Variants in CALCR observed in about 807,000 individuals in gnomAD.
CALCR encodes the protein calcitonin receptor.
In CALCR, 47 loss-of-function variants were observed where a neutral mutation model predicts 59.5. That is an observed-to-expected ratio of 0.79 (90% CI 0.63 to 1.01). The LOEUF (loss-of-function observed/expected upper bound fraction) is 1.01, where lower values mean the gene tolerates loss of function less well. CALCR is among the 50% of genes least tolerant of loss of function. The pLI, the probability that CALCR is intolerant of heterozygous loss-of-function variation, is 0.00. For missense variants in CALCR, 566 were observed against 597.1 expected (o/e 0.95, Z 0.54); for synonymous variants, 213 against 211.3 (o/e 1.01, Z -0.07).
At chr7:93,528,077 A>G (rs1383293314) in intron 2 of CALCR, among the ~76,000 whole-genome samples, 6 of 152,188 alleles carry the variant, frequency 3.9e-5, no homozygotes, top group African/African-American at 1.4e-4. Context: ...AAAACTGCTC[A>G]GAAAATGTTC....
At chr7:93,438,013 A>G in intron 11 of CALCR, 47 bp downstream of exon 11, 2 of 1,360,078 alleles carry the variant, frequency 1.5e-6, no homozygotes, top group Non-Finnish European at 1.0e-6. Flanking sequence ...AGAAATCTCA[A>G]CTAAGAGATA....
At chr7:93,478,892 C>T (rs970909155) in intron 4 of CALCR, among the ~76,000 whole-genome samples, 1 of 151,658 alleles carries the variant, frequency 6.6e-6, no homozygotes, top group African/African-American at 2.4e-5. Context: ...TTGTAATTCT[C>T]CTGGAAAGTG....
At chr7:93,448,155 G>A (rs1376489296) in intron 8 of CALCR, among the ~76,000 whole-genome samples, 1 of 151,954 alleles carries the variant, frequency 6.6e-6, no homozygotes, top group Non-Finnish European at 1.5e-5. Context: ...TAATTCTCAT[G>A]ATACATTTCG....
chr7:93,551,563 C>T (rs753371562), intron 2 of CALCR, among the ~76,000 whole-genome samples: 12 of 152,034 alleles, frequency 7.9e-5, no homozygotes, highest in African/African-American at 1.9e-4. Flanking sequence ...TTTGTAGGCA[C>T]CAGGTCAAAA....
At chr7:93,527,338 G>A (rs894180997) in intron 2 of CALCR, among the ~76,000 whole-genome samples, 1 of 151,528 alleles carries the variant, frequency 6.6e-6, no homozygotes, top group Non-Finnish European at 1.5e-5. Flanking sequence ...CATATTATAT[G>A]TTATTCACTG....
chr7:93,438,944 A>G (rs1289376373), intron 9 of CALCR, among the ~76,000 whole-genome samples: 1 of 152,074 alleles, frequency 6.6e-6, no homozygotes, highest in Middle Eastern at 3.2e-3. Context: ...AAAAATGGAC[A>G]CAGTTATTGC....
At chr7:93,529,328 C>T (rs1381805706) in intron 2 of CALCR, among the ~76,000 whole-genome samples, 2 of 152,138 alleles carry the variant, frequency 1.3e-5, no homozygotes, top group Non-Finnish European at 1.5e-5. Context: ...AAGATACCTG[C>T]ACCCCCTTTG....
intron 6 of CALCR, among the ~76,000 whole-genome samples, chr7:93,470,503 A>G (rs1279198039): frequency 6.6e-6 from 1 of 151,780 alleles, no homozygotes; most frequent in Non-Finnish European, 1.5e-5. Context: ...AAAAATTTAT[A>G]TAACTTAATT....
At chr7:93,460,168 G>A (rs1800286001) in intron 8 of CALCR, among the ~76,000 whole-genome samples, 1 of 152,110 alleles carries the variant, frequency 6.6e-6, no homozygotes, top group African/African-American at 2.4e-5. Context: ...TCACGGGGAA[G>A]CACTGCCTTA....
At chr7:93,506,305 G>T (rs571891910) in intron 2 of CALCR, among the ~76,000 whole-genome samples, 1 of 152,180 alleles carries the variant, frequency 6.6e-6, no homozygotes, top group East Asian at 1.9e-4. Context: ...AGGTTTTTTG[G>T]GGAGGTTCAT....
At chr7:93,477,465 G>A in intron 5 of CALCR, 93 bp downstream of exon 5, 2 of 767,718 alleles carry the variant, frequency 2.6e-6, no homozygotes, top group Non-Finnish European at 4.4e-6. Context: ...AGTATGATTA[G>A]GTGGGTACAT....
intron 2 of CALCR, among the ~76,000 whole-genome samples, chr7:93,565,369 C>A (rs1789841174): frequency 6.6e-6 from 1 of 152,198 alleles, no homozygotes; most frequent in Non-Finnish European, 1.5e-5. Flanking sequence ...CAGACCATAA[C>A]TTCCAGTTTT....
chr7:93,490,989 C>T (rs559828133), intron 2 of CALCR, among the ~76,000 whole-genome samples: 1 of 151,966 alleles, frequency 6.6e-6, no homozygotes, highest in African/African-American at 2.4e-5. Context: ...AAGCATCACA[C>T]TACCTGACTT....
chr7:93,491,715 C>T (rs140505963), intron 2 of CALCR, among the ~76,000 whole-genome samples: 59 of 152,032 alleles, frequency 3.9e-4, no homozygotes, highest in African/African-American at 1.3e-3. Context: ...CATGTCACAC[C>T]GGTCAGAATG....
chr7:93,542,188 A>G (rs1789161415), intron 2 of CALCR, among the ~76,000 whole-genome samples: 1 of 152,194 alleles, frequency 6.6e-6, no homozygotes, highest in Non-Finnish European at 1.5e-5. Context: ...AATATCACAC[A>G]GTGTACTTAC....
intron 2 of CALCR, among the ~76,000 whole-genome samples, chr7:93,530,748 T>C (rs1788811398): frequency 6.6e-6 from 1 of 152,158 alleles, no homozygotes; most frequent in South Asian, 2.1e-4. Flanking sequence ...TCCAGCCTTA[T>C]TACATCCTTA....
intron 2 of CALCR, among the ~76,000 whole-genome samples, chr7:93,568,166 A>G (rs2116285781): frequency 6.6e-6 from 1 of 152,298 alleles, no homozygotes; most frequent in Non-Finnish European, 1.5e-5. Context: ...AACAAGGGAT[A>G]TCAATCATGA....
intron 2 of CALCR, among the ~76,000 whole-genome samples, chr7:93,533,938 T>C (rs1194548098): frequency 2.6e-5 from 4 of 151,848 alleles, no homozygotes; most frequent in African/African-American, 7.2e-5. Flanking sequence ...GAAACTCTTA[T>C]TGCTCTAGAG....
intron 8 of CALCR, among the ~76,000 whole-genome samples, chr7:93,458,757 C>G (rs1800259206): frequency 6.6e-6 from 1 of 152,150 alleles, no homozygotes; most frequent in South Asian, 2.1e-4. Flanking sequence ...CTCCACTTGT[C>G]CATTCAGGCC....
Sources: gnomAD v4.1 joint callset for allele counts (sites outside exome capture counted in the v4.1 genomes callset) on GRCh38, gnomAD v4.1.1 for gene constraint, MANE v1.5 for transcripts, NCBI Gene and HGNC (gene_info 2026-07-23, HGNC 2026-07-21) for gene names.